LRRC9: variants seen among roughly 807,000 people sequenced by gnomAD.
LRRC9 encodes leucine rich repeat containing 9, also known as leucine-rich repeat-containing protein 9.
In LRRC9, 122 loss-of-function variants were observed where a neutral mutation model predicts 63.2. The ratio of observed to expected loss-of-function variants is 1.93; its 90% CI spans 1.67 to 2.24. LRRC9 has a LOEUF of 2.24. LRRC9 is among the 30% of genes most tolerant of loss of function. LRRC9 has a pLI of 0.00. For missense variants in LRRC9, 1,071 were observed against 627.7 expected, an observed-to-expected ratio of 1.71 and a Z score of -7.55; for synonymous variants, 366 against 213.1, an observed-to-expected ratio of 1.72 and a Z score of -6.25.
At chr14:60,059,526 T>G (rs991945500) in intron 31 of LRRC9, among the ~76,000 whole-genome samples, 4 of 152,178 alleles carry the variant, frequency 2.6e-5, no homozygotes, top group Non-Finnish European at 5.9e-5. Flanking sequence ...AAGGAAAAAT[T>G]CTTGAAGGAA....
intron 8 of LRRC9, among the ~76,000 whole-genome samples, chr14:59,952,564 G>C (rs1346150259): frequency 2.6e-5 from 4 of 152,100 alleles, no homozygotes; most frequent in Non-Finnish European, 5.9e-5. Flanking sequence ...TTATAGAGGA[G>C]TACAGATAAC....
rs971529886 is a variant in LRRC9 at position 59,964,123 on chromosome 14, G to T, written c.1212-2466G>T. ...GAACAGGAGTTATGATTAGTTTAGA[G>T]ACCATACAGTGGAGAATATTGAATC... is the stretch of plus-strand genomic sequence containing the variant. On this transcript the variant is annotated intron_variant, in intron 10 of 31. Transcript: ENST00000445360. This position sits in a 1 kb window ranked among gnomAD's most constrained non-coding sequence, Gnocchi z 4.4. Among the ~76,000 whole-genome samples the T allele has an allele frequency of 6.6e-6, 1 of 152,198 alleles. No individual in the cohort carries two copies. The highest frequency in any genetic ancestry group is 1.5e-5 in the Non-Finnish European group (1 of 68,032).
At chr14:59,963,924 T>C (rs1257532904) in intron 10 of LRRC9, among the ~76,000 whole-genome samples, 1 of 152,212 alleles carries the variant, frequency 6.6e-6, no homozygotes, top group Admixed American at 6.5e-5. Flanking sequence ...AAAACGTGTG[T>C]AGCCTACATT....
intron 13 of LRRC9, 98 bp from the exon 14 acceptor site, chr14:59,977,127 G>A (rs1416179405): frequency 1.7e-6 from 1 of 591,912 alleles, no homozygotes; most frequent in East Asian, 2.8e-5. Context: ...TGCCTTTACA[G>A]AACATACAGT....
At position 60,016,657 on chromosome 14, in the gene LRRC9, T is replaced by C. The variant is rs1010965109; in HGVS notation, c.3187-3T>C. ...ACATCATTTTCTAAATATCTTCATA[T>C]AGGAACCATCAGAGACTGACAGTGC... On this transcript the variant is annotated splice_polypyrimidine_tract_variant and splice_region_variant and intron_variant, in intron 23 of 31. Coordinates refer to ENST00000445360, the Ensembl canonical transcript of LRRC9. 1.4e-5 allele frequency: 10 copies of C among 693,640 alleles called. No individual in the cohort carries two copies. The highest frequency in any genetic ancestry group is 1.3e-4 in the South Asian group (9 of 66,760). The allele number at this position is 693,640 out of a possible 1,614,324, so 43.0% of individuals were successfully genotyped here. A position where few individuals can be genotyped will look rare whatever the true frequency, so the allele number is the denominator to read the frequency against.
rs1171507451 is a variant in LRRC9 at position 59,922,496 on chromosome 14, C to G, written c.-34+2613C>G. On this transcript the variant is annotated intron_variant, in intron 1 of 31. Coordinates refer to ENST00000445360, the Ensembl canonical transcript of LRRC9. This position sits in a 1 kb window ranked among gnomAD's most constrained non-coding sequence, Gnocchi z 5.3. ...ATTTATATACAGAAATAAAGGAGAC[C>G]GTTGACAAGGAAATTTGGCAATAAA... Among the ~76,000 whole-genome samples, 1 of 151,910 alleles carries G rather than the reference C, an allele frequency of 6.6e-6. No homozygotes were observed. The highest frequency in any genetic ancestry group is 2.1e-4 in the South Asian group (1 of 4,792).
intron 8 of LRRC9, among the ~76,000 whole-genome samples, chr14:59,946,657 T>G (rs1398014193): frequency 1.6e-5 from 2 of 122,222 alleles, no homozygotes; most frequent in Admixed American, 8.5e-5. Flanking sequence ...CCCTCCCCCC[T>G]CCCCACTCCT....
intron 29 of LRRC9, among the ~76,000 whole-genome samples, chr14:60,039,011 A>T (rs1392499884): frequency 6.6e-6 from 1 of 152,184 alleles, no homozygotes; most frequent in East Asian, 1.9e-4. Flanking sequence ...CTATGCATCT[A>T]TTGAGATAAT....
rs772472996 is a variant in LRRC9, at chr14:59,958,395, G to A, written c.883-1423G>A. Among the ~76,000 whole-genome samples the A allele has an allele frequency of 1.3e-5, 2 of 152,172 alleles. No individual in the cohort carries two copies. Among genetic ancestry groups the A allele is most frequent in the Admixed American group, 6.5e-5 (1 of 15,280 alleles). ...CTGACCACAGCTGCTTTGCCACCGG[G>A]CCCAGACCTCCCAAACTCCTTAGCA... is the stretch of plus-strand genomic sequence containing the variant. On this transcript the variant is annotated intron_variant, in intron 8 of 31. Transcript: ENST00000445360. This position sits in a 1 kb window ranked among gnomAD's most constrained non-coding sequence, Gnocchi z 4.0.
chr14:59,961,282 G>A lies in LRRC9; in HGVS notation c.1211+237G>A, dbSNP rs943504498. Among the ~76,000 whole-genome samples the A allele has an allele frequency of 2.6e-5, 4 of 152,104 alleles. No individual in the cohort carries two copies. The South Asian group carries it at 6.2e-4, about 24-fold the overall frequency. The stretch of plus-strand genomic sequence containing the variant: ...AGCCAACCTTGAAGACATCCTAATG[G>A]TTTATCATTGCTCTTTACCCAATTT... On this transcript the variant is annotated intron_variant, in intron 10 of 31. Coordinates refer to ENST00000445360, the Ensembl canonical transcript of LRRC9.
intron 22 of LRRC9, among the ~76,000 whole-genome samples, chr14:60,007,257 A>T (rs961356727): frequency 2.6e-5 from 4 of 152,176 alleles, no homozygotes; most frequent in African/African-American, 9.6e-5. Flanking sequence ...CCGTTCCCCC[A>T]GTATAATTAC....
downstream of LRRC9, among the ~76,000 whole-genome samples, chr14:60,064,369 A>G (rs309010): frequency 0.75 from 114,465 of 152,038 alleles, 45,084 homozygotes; most frequent in Non-Finnish European, 0.87. Context: ...AACAGTACAC[A>G]TAGTTTCATA....
intron 15 of LRRC9, among the ~76,000 whole-genome samples, chr14:59,979,432 C>A (rs1359300598): frequency 1.3e-5 from 2 of 151,916 alleles, no homozygotes; most frequent in African/African-American, 4.8e-5. Flanking sequence ...TCCTGGCTAA[C>A]CATCCCCGTC....
At chr14:60,063,131 G>A (rs1258732395) in intron 31 of LRRC9, among the ~76,000 whole-genome samples, 192 bp from the exon 33 acceptor site, 1 of 152,102 alleles carries the variant, frequency 6.6e-6, no homozygotes, top group Non-Finnish European at 1.5e-5. Context: ...CTGACCTCAG[G>A]TGATCCACCT....
At chr14:59,939,466 A>G (rs1204762669) in intron 7 of LRRC9, among the ~76,000 whole-genome samples, 4 of 151,980 alleles carry the variant, frequency 2.6e-5, no homozygotes, top group African/African-American at 7.2e-5. Context: ...CCTTTTGAAT[A>G]ATGGATTAAG....
intron 10 of LRRC9, among the ~76,000 whole-genome samples, chr14:59,965,959 G>A (rs1884817792): frequency 7.3e-6 from 1 of 136,964 alleles, no homozygotes; most frequent in Admixed American, 7.7e-5. Context: ...TATTCCTACG[G>A]TTTTGACTTA....
chr14:59,973,914 G>T (rs1566831553), intron 12 of LRRC9, among the ~76,000 whole-genome samples: 1 of 152,070 alleles, frequency 6.6e-6, no homozygotes, highest in Non-Finnish European at 1.5e-5. Flanking sequence ...AGGACAAATA[G>T]ACCTGAGTTC....
At position 60,003,040 on chromosome 14, in the gene LRRC9, A is replaced by T. The variant is rs1190621191; in HGVS notation, c.2665-581A>T. ...CTTATACCTCTTGCCAAACATAGAAACTGGGCTAAGTGAAGCTGCTCCCAG... is the reference window on the plus strand; with the variant it reads ...CTTATACCTCTTGCCAAACATAGAATCTGGGCTAAGTGAAGCTGCTCCCAG... On this transcript the variant is annotated intron_variant, in intron 20 of 31. Transcript: ENST00000445360. The surrounding 1 kb of genome is among the most constrained non-coding windows in gnomAD (Gnocchi z 4.2). Among the ~76,000 whole-genome samples the T allele has an allele frequency of 2.6e-5, 4 of 152,174 alleles. 1 individual carries two copies. The highest frequency in any genetic ancestry group is 5.9e-5 in the Non-Finnish European group (4 of 68,010).
rs2139789013 is a variant in LRRC9, at chr14:59,932,548, A to G, written c.543+509A>G. Among the ~76,000 whole-genome samples the G allele has an allele frequency of 6.6e-6, 1 of 152,138 alleles. No individual in the cohort carries two copies. The highest frequency in any genetic ancestry group is 2.1e-4 in the South Asian group (1 of 4,816). ...CAGGCCTTCTCCTGCAGTCTTCCTCACCTCTCTAAATGGAGTCTCCATTCT... is the reference window on the plus strand; with the variant it reads ...CAGGCCTTCTCCTGCAGTCTTCCTCGCCTCTCTAAATGGAGTCTCCATTCT... On this transcript the variant is annotated intron_variant, in intron 6 of 31. Coordinates refer to ENST00000445360, the Ensembl canonical transcript of LRRC9. This position sits in a 1 kb window ranked among gnomAD's most constrained non-coding sequence, Gnocchi z 4.7.
Sources: gnomAD v4.1 joint callset for allele counts (sites outside exome capture counted in the v4.1 genomes callset) on GRCh38, gnomAD v4.1.1 for gene constraint, Gnocchi (gnomAD v3.1) non-coding constraint, MANE v1.5 for transcripts, NCBI Gene and HGNC (gene_info 2026-07-23, HGNC 2026-07-21) for gene names.